SLC41A3: variants seen among roughly 807,000 people sequenced by gnomAD.
SLC41A3 encodes the protein SLC41A1-like 2.
Under a neutral mutation model 45.4 loss-of-function variants are expected in SLC41A3, and 44 were observed. The ratio of observed to expected loss-of-function variants is 0.97; its 90% CI spans 0.76 to 1.25. The LOEUF is 1.25. SLC41A3 is among the 50% of genes most tolerant of loss of function. The pLI is 0.00. For synonymous variants in SLC41A3, 256 were observed against 252.4 expected (o/e 1.01, Z -0.13); for missense variants, 550 against 600.6 (o/e 0.92, Z 0.88).
In SLC41A3 at chr3:126,043,812, A is replaced by C. The variant is rs535717811; in HGVS notation, c.381+7131T>G. Among the ~76,000 whole-genome samples the C allele has an allele frequency of 1.4e-4, 20 of 143,754 alleles. No homozygotes were observed. The East Asian group carries it at 2.6e-3, about 19-fold the overall frequency. 94.3% of individuals were successfully genotyped at this position (143,754 alleles called of 152,430 possible). A position where few individuals can be genotyped will look rare whatever the true frequency, so the allele number is the denominator to read the frequency against. ...TCAAAACATATCACTGCAAAAAAAA[A>C]CAAAAAAACAAAAAAACAAAAAAAA... On this transcript the variant is annotated intron_variant, in intron 3 of 10. Coordinates refer to ENST00000360370, the MANE Select transcript of SLC41A3 (RefSeq NM_017836.4).
intron 8 of SLC41A3, among the ~76,000 whole-genome samples, chr3:126,014,952 C>T (rs1940124151): frequency 6.6e-6 from 1 of 152,162 alleles, no homozygotes; most frequent in Admixed American, 6.5e-5. Context: ...AGGGGGAGAT[C>T]AAGGCAGCTG....
chr3:126,076,511 T>C (rs1214933870), intron 1 of SLC41A3, among the ~76,000 whole-genome samples: 1 of 152,244 alleles, frequency 6.6e-6, no homozygotes, highest in Admixed American at 6.5e-5. Context: ...TCTGTTCTAC[T>C]GAACTGTACA....
intron 1 of SLC41A3, among the ~76,000 whole-genome samples, chr3:126,075,218 T>C (rs551271756): frequency 9.0e-4 from 137 of 152,360 alleles, no homozygotes; most frequent in African/African-American, 3.2e-3. Context: ...AGTGCTAGGA[T>C]TACAGCTGTG....
intron 1 of SLC41A3, among the ~76,000 whole-genome samples, chr3:126,098,226 G>A (rs1945641733): frequency 6.6e-6 from 1 of 152,184 alleles, no homozygotes; most frequent in South Asian, 2.1e-4. Flanking sequence ...ATTCAGTGAG[G>A]TTATAAGGTG....
chr3:126,076,713 C>T (rs1395215238), intron 1 of SLC41A3, among the ~76,000 whole-genome samples: 1 of 152,198 alleles, frequency 6.6e-6, no homozygotes, highest in Admixed American at 6.5e-5. Flanking sequence ...TGATACTAGC[C>T]TCACTCTGGG....
At chr3:126,062,019 C>T (rs1464558514) in intron 2 of SLC41A3, among the ~76,000 whole-genome samples, 1 of 152,196 alleles carries the variant, frequency 6.6e-6, no homozygotes, top group East Asian at 1.9e-4. Context: ...TCCACAGACC[C>T]TCCCCTGCTC....
chr3:126,062,415 C>T (rs537332943), intron 2 of SLC41A3, among the ~76,000 whole-genome samples: 103 of 152,328 alleles, frequency 6.8e-4, no homozygotes, highest in Non-Finnish European at 1.0e-3. Context: ...AGGCTCCCCA[C>T]AGGGACCTCC....
rs1941022616 is a variant in SLC41A3 at position 126,022,895 on chromosome 3, C to T, written c.636G>A (p.Lys212=). The T allele has an allele frequency of 1.2e-6, 2 of 1,614,206 alleles. No homozygotes were observed. The highest frequency in any genetic ancestry group is 1.6e-4 in the Middle Eastern group (1 of 6,062). Residue 212 remains lysine (K), a synonymous_variant, in exon 6 of 11, where the codon AAG becomes AAA. Coordinates refer to ENST00000360370, the MANE Select transcript of SLC41A3 (RefSeq NM_017836.4). ...LMVCIVIGAR[K]LGVNPDNIAT... ...CAATGTTGTCTGGGTTGACCCCGAG[C>T]TTTCGAGCACCAATCACTATACAGA...
intron 2 of SLC41A3, among the ~76,000 whole-genome samples, chr3:126,054,843 C>T (rs976194504): frequency 1.3e-5 from 2 of 151,972 alleles, no homozygotes; most frequent in African/African-American, 2.4e-5. Flanking sequence ...AGGGAAGGAG[C>T]GACAAGCTCT....
intron 2 of SLC41A3, among the ~76,000 whole-genome samples, chr3:126,062,418 G>A (rs908715023): frequency 1.3e-5 from 2 of 152,130 alleles, no homozygotes; most frequent in Non-Finnish European, 2.9e-5. Flanking sequence ...CTCCCCACAG[G>A]GACCTCCGCA....
intron 1 of SLC41A3, among the ~76,000 whole-genome samples, chr3:126,077,149 A>T (rs1576366507): frequency 6.6e-6 from 1 of 152,302 alleles, no homozygotes; most frequent in African/African-American, 2.4e-5. Context: ...AGCTAGAGGC[A>T]GGTGGATCAC....
intron 1 of SLC41A3, among the ~76,000 whole-genome samples, chr3:126,070,793 A>G (rs755717037): frequency 1.3e-5 from 2 of 152,194 alleles, no homozygotes; most frequent in Non-Finnish European, 2.9e-5. Flanking sequence ...GAATCCACAC[A>G]GAGGAAGGAA....
chr3:126,022,387 G>A (rs7634120), intron 6 of SLC41A3, among the ~76,000 whole-genome samples: 43,528 of 152,180 alleles, frequency 0.29, 6,371 homozygotes, highest in African/African-American at 0.33. Flanking sequence ...ATTTCTTATG[G>A]TTGTGGAGGC....
intron 8 of SLC41A3, among the ~76,000 whole-genome samples, chr3:126,013,394 T>C (rs1213795911): frequency 6.6e-6 from 1 of 151,686 alleles, no homozygotes; most frequent in Non-Finnish European, 1.5e-5. Context: ...ACTCTGTCTC[T>C]ACTAAAAATA....
Position 126,023,111 on chromosome 3 carries a change from T to C in SLC41A3, c.599-179A>G, listed in dbSNP as rs371476125. ...TGACGTGAAGCCAGGCTGCCCTGAC[T>C]TTCAGAGCTTCCCACTACACTGGAG... On this transcript the variant is annotated intron_variant, in intron 5 of 10. Transcript: ENST00000360370. The C allele has an allele frequency of 1.1e-4, 84 of 757,576 alleles. 1 individual carries two copies. The East Asian group carries it at 1.2e-3, about 11-fold the overall frequency. The allele number at this position is 757,576 out of a possible 1,614,324, so 46.9% of individuals were successfully genotyped here.
At chr3:126,045,994 G>T (rs1942932652) in intron 3 of SLC41A3, among the ~76,000 whole-genome samples, 1 of 149,748 alleles carries the variant, frequency 6.7e-6, no homozygotes, top group African/African-American at 2.5e-5. Context: ...TCAATGGGGG[G>T]AAAAAAAACC....
chr3:126,059,296 A>AAGAG (rs1489078463), intron 2 of SLC41A3, among the ~76,000 whole-genome samples: 1 of 99,530 alleles, frequency 1.0e-5, no homozygotes, highest in Non-Finnish European at 2.3e-5. Flanking sequence ...GAAAGAAAGA[A>AAGAG]AGAAAGAAAG....
At chr3:126,067,562 G>C (rs934727389) in intron 2 of SLC41A3, 6 of 450,968 alleles carry the variant, frequency 1.3e-5, no homozygotes, top group African/African-American at 1.2e-4. Context: ...CCAACACCTT[G>C]ATCTTGGACT....
chr3:126,013,573 A>G (rs1249461499), intron 8 of SLC41A3, among the ~76,000 whole-genome samples: 1 of 151,660 alleles, frequency 6.6e-6, no homozygotes, highest in Non-Finnish European at 1.5e-5. Flanking sequence ...AAAAAAAAAA[A>G]AAGAATGAGA....
Sources: allele counts gnomAD v4.1 joint callset (sites outside exome capture counted in the v4.1 genomes callset), GRCh38; gene constraint gnomAD v4.1.1; transcripts MANE v1.5; gene names NCBI Gene and HGNC (gene_info 2026-07-23, HGNC 2026-07-21).